KBTBD4: variants seen among roughly 807,000 people sequenced by gnomAD.
KBTBD4 encodes kelch repeat and BTB domain containing 4, also known as kelch repeat and BTB domain-containing protein 4.
In KBTBD4, 30 loss-of-function variants were observed where a neutral mutation model predicts 43.9. That is an observed-to-expected ratio of 0.68 (90% CI 0.51 to 0.93). The LOEUF (loss-of-function observed/expected upper bound fraction) is 0.93, where lower values mean the gene tolerates loss of function less well. Among genes scored for constraint, KBTBD4 ranks in the 40% least tolerant of loss-of-function variants. The pLI is 0.00. For synonymous variants in KBTBD4, 258 were observed against 256.9 expected (o/e 1.00, Z -0.04); for missense variants, 575 against 668.8 (o/e 0.86, Z 1.55).
In KBTBD4 at chr11:47,573,521, G is replaced by C; in HGVS notation, c.1014C>G (p.Thr338=). Residue 338 remains threonine, a synonymous_variant, in exon 4 of 4, where the codon ACC becomes ACG. Transcript: ENST00000430070. The surrounding 1 kb of genome is among the most constrained non-coding windows in gnomAD (Gnocchi z 4.1). ...APLPRDRLQH[T]LVSVPGKDAI... is the part of the protein sequence containing the mutation. ...CATCTTTCCCGGGCACAGACACCAGGGTGTGCTGGAGCCGGTCCCGAGGCA... is the reference window on the plus strand; with the variant it reads ...CATCTTTCCCGGGCACAGACACCAGCGTGTGCTGGAGCCGGTCCCGAGGCA... 6.2e-7 allele frequency: 1 copy of C among 1,614,138 alleles called. No homozygotes were observed. The highest frequency in any genetic ancestry group is 8.5e-7 in the Non-Finnish European group (1 of 1,180,026).
At position 47,572,310 on chromosome 11, in the gene KBTBD4, T is replaced by G. The variant is rs2097250418; in HGVS notation, c.*620A>C. On this transcript the variant is annotated 3_prime_UTR_variant, in exon 4 of 4. Transcript: ENST00000430070. Reference sequence around the variant, plus strand: ...AGATTGAAAAAGTTTCTGCTATTAATCAGAAATAATCATTTCTATTTTCTG... The same window carrying G: ...AGATTGAAAAAGTTTCTGCTATTAAGCAGAAATAATCATTTCTATTTTCTG... 1 of 152,858 alleles carries G rather than the reference T, an allele frequency of 6.5e-6. No individual in the cohort carries two copies. The highest frequency in any genetic ancestry group is 1.5e-5 in the Non-Finnish European group (1 of 68,198). 9.5% of individuals were successfully genotyped at this position (152,858 alleles called of 1,614,324 possible). A position where few individuals can be genotyped will look rare whatever the true frequency, so the allele number is the denominator to read the frequency against.
At chr11:47,578,698 G>A (rs1320889829) in intron 1 of KBTBD4, 2 of 1,233,438 alleles carry the variant, frequency 1.6e-6, no homozygotes, top group East Asian at 2.5e-5. Flanking sequence ...GAGTCGTCTT[G>A]GAAACGGTCG....
In KBTBD4 at chr11:47,577,811, GAGGAC is replaced by G; in HGVS notation, c.232_236del (p.Val78LeufsTer38). ...ATCGGAAGAAGCAGCTCTGAGCTGA[GAGGAC>G]CAGCCGATGGAGCTGAAACTCCCGG... On this transcript the variant is annotated frameshift_variant, in exon 2 of 4. Transcript: ENST00000430070. LOFTEE classifies it high-confidence loss of function. 2 of 1,614,218 alleles carry G rather than the reference GAGGAC, an allele frequency of 1.2e-6. No homozygotes were observed. Among genetic ancestry groups the G allele is most frequent in the Non-Finnish European group, 1.7e-6 (2 of 1,180,048 alleles).
intron 1 of KBTBD4, chr11:47,578,502 T>A (rs1565938413): frequency 1.6e-6 from 1 of 634,282 alleles, no homozygotes; most frequent in Non-Finnish European, 2.8e-6. Context: ...GTTAAGACGC[T>A]CCATATGAAG....
Position 47,577,788 on chromosome 11 carries a change from CG to C in KBTBD4, c.259del (p.Arg87AspfsTer8). The C allele has an allele frequency of 6.2e-7, 1 of 1,614,156 alleles. No homozygotes were observed. The highest frequency in any genetic ancestry group is 8.5e-7 in the Non-Finnish European group (1 of 1,180,040). On this transcript the variant is annotated frameshift_variant, in exon 2 of 4. Transcript: ENST00000430070. LOFTEE classifies it high-confidence loss of function. ...CTTCAGGTTGGAAGTGAACATGGAT[CG>C]GAAGAAGCAGCTCTGAGCTGAGAGG... ...LVLSAQSCFF[R>X]SMFTSNLKEA... is the part of the protein sequence containing the mutation.
chr11:47,575,385 T>A (rs2097257172), intron 3 of KBTBD4, among the ~76,000 whole-genome samples: 1 of 151,374 alleles, frequency 6.6e-6, no homozygotes, highest in Admixed American at 6.6e-5. Flanking sequence ...TGGGCACCTG[T>A]AGTCCCAGCT....
rs145548207 is a variant in KBTBD4 at position 47,577,429 on chromosome 11, G to A, written c.619C>T (p.Leu207Phe). ...AACTTACCCGAGATGATATCTGTGAGTAAGCGGTGGGGCAAGTGGAGAAAT... is the reference window on the plus strand; with the variant it reads ...AACTTACCCGAGATGATATCTGTGAATAAGCGGTGGGGCAAGTGGAGAAAT... ...EEFLHLPHRL[L>F]TDIISDGVPC... The change falls in exon 2 of 4, where the codon CTC (leucine) becomes TTC (phenylalanine). Residue 207 changes from leucine to phenylalanine, a missense_variant. Transcript: ENST00000430070. 1 of 1,606,552 alleles carries A rather than the reference G, an allele frequency of 6.2e-7. No individual in the cohort carries two copies. The highest frequency in any genetic ancestry group is 8.5e-7 in the Non-Finnish European group (1 of 1,173,962).
Position 47,577,929 on chromosome 11 carries a change from C to T in KBTBD4, c.119G>A (p.Arg40Gln), listed in dbSNP as rs2097263301. Residue 40 changes from arginine to glutamine, a missense_variant, in exon 2 of 4, where the codon CGG becomes CAG. Transcript: ENST00000430070. ...TTGAGCCACACGGCCTGAATGTGAC[C>T]GATCTTTGAAAGTGTAGTTCACAAA... ...NYFVNYTFKD[R>Q]SHSGRVAQGI... The T allele has an allele frequency of 6.2e-7, 1 of 1,614,064 alleles. No individual in the cohort carries two copies. Among genetic ancestry groups the T allele is most frequent in the Non-Finnish European group, 8.5e-7 (1 of 1,180,052 alleles).
chr11:47,578,038 A>G lies in KBTBD4; in HGVS notation c.20-10T>C. On this transcript the variant is annotated splice_polypyrimidine_tract_variant and intron_variant, in intron 1 of 3. Transcript: ENST00000430070. ...TCTCTCTGCCAGCTGTCTGCAAAGC[A>G]ACACCATCTTGAGTAACCTGAGGAA... 6.2e-7 allele frequency: 1 copy of G among 1,613,890 alleles called. No individual in the cohort carries two copies. The highest frequency in any genetic ancestry group is 1.7e-5 in the Admixed American group (1 of 59,976).
chr11:47,573,661 G>C lies in KBTBD4; in HGVS notation c.874C>G (p.Gln292Glu). Reference sequence around the variant, plus strand: ...CCATGCTTGCAGGCCGCAGTGATCTGGTGGCACAAACTGTTTTGGCCACTT... The same window carrying C: ...CCATGCTTGCAGGCCGCAGTGATCTCGTGGCACAAACTGTTTTGGCCACTT... ...SVSGQNSLCH[Q>E]ITAACKHGGD... is the part of the protein sequence containing the mutation. The change falls in exon 4 of 4, where the codon CAG becomes GAG. Residue 292 changes from glutamine (Q) to glutamate (E), a missense_variant. Coordinates refer to ENST00000430070, the MANE Select transcript of KBTBD4 (RefSeq NM_018095.6). The surrounding 1 kb of genome is among the most constrained non-coding windows in gnomAD (Gnocchi z 4.1). The C allele has an allele frequency of 1.2e-6, 2 of 1,613,390 alleles. No individual in the cohort carries two copies. The highest frequency in any genetic ancestry group is 1.7e-6 in the Non-Finnish European group (2 of 1,180,020).
Position 47,572,934 on chromosome 11 carries a change from GC to G in KBTBD4, c.1600del (p.Ala534ProfsTer37). The G allele has an allele frequency of 1.2e-6, 2 of 1,612,540 alleles. No homozygotes were observed. Among genetic ancestry groups the G allele is most frequent in the Non-Finnish European group, 1.7e-6 (2 of 1,178,996 alleles). On this transcript the variant is annotated frameshift_variant, in exon 4 of 4. Coordinates refer to ENST00000430070, the MANE Select transcript of KBTBD4 (RefSeq NM_018095.6). LOFTEE classifies it high-confidence loss of function. ...TCTCCTCCCCTCCCCACAGCCTTAG[GC>G]CAACACAAACTGCAAATTGGTAAGC... ...VLLTNLQFVL[A>X]
Position 47,573,259 on chromosome 11 carries a change from A to C in KBTBD4, c.1276T>G (p.Cys426Gly). 1 of 1,614,082 alleles carries C rather than the reference A, an allele frequency of 6.2e-7. No homozygotes were observed. The highest frequency in any genetic ancestry group is 8.5e-7 in the Non-Finnish European group (1 of 1,180,004). ...GGCAGCACATAGGGCTTCACATGGC[A>C]TTTGTCTGTCTCTGTGTCAAAGCAC... ...IQCFDTETDK[C>G]HVKPYVLPFA... The change falls in exon 4 of 4, where the codon TGC (cysteine) becomes GGC (glycine). Residue 426 changes from cysteine (C) to glycine (G), a missense_variant. Physicochemically the swap from Cys to Gly is radical, Grantham distance 159. Transcript: ENST00000430070. The surrounding 1 kb of genome is among the most constrained non-coding windows in gnomAD (Gnocchi z 4.1).
At position 47,575,715 on chromosome 11, in the gene KBTBD4, G is replaced by GA; in HGVS notation, c.638-17dup. ...GGAACTCCATCTGTGAGAGCCAGAG[G>GA]AAAGGCATGGTCAATGACAATCCGA... is the stretch of plus-strand genomic sequence containing the variant. On this transcript the variant is annotated splice_polypyrimidine_tract_variant and intron_variant, in intron 2 of 3. Transcript: ENST00000430070. 3 of 1,495,220 alleles carry GA rather than the reference G, an allele frequency of 2.0e-6. No homozygotes were observed. Among genetic ancestry groups the GA allele is most frequent in the Non-Finnish European group, 2.8e-6 (3 of 1,080,566 alleles). 92.6% of individuals were successfully genotyped at this position (1,495,220 alleles called of 1,614,324 possible). A position where few individuals can be genotyped will look rare whatever the true frequency, so the allele number is the denominator to read the frequency against.
Position 47,573,162 on chromosome 11 carries a change from A to G in KBTBD4, c.1373T>C (p.Val458Ala). The change falls in exon 4 of 4, where the codon GTG becomes GCG. Residue 458 changes from valine (V) to alanine (A), a missense_variant. Physicochemically the swap from Val to Ala is moderately conservative, Grantham distance 64. Coordinates refer to ENST00000430070, the MANE Select transcript of KBTBD4 (RefSeq NM_018095.6). This position sits in a 1 kb window ranked among gnomAD's most constrained non-coding sequence, Gnocchi z 4.1. Reference protein sequence around the residue: ...VFIVAEGDSLVCYNPLLDSFT... With the variant: ...VFIVAEGDSLACYNPLLDSFT... ...GCTGTCTAGCAAGGGATTGTAGCACACCAGGGAGTCCCCTTCAGCCACGAT... is the reference window on the plus strand; with the variant it reads ...GCTGTCTAGCAAGGGATTGTAGCACGCCAGGGAGTCCCCTTCAGCCACGAT... 6.2e-7 allele frequency: 1 copy of G among 1,614,178 alleles called. No homozygotes were observed. The highest frequency in any genetic ancestry group is 8.5e-7 in the Non-Finnish European group (1 of 1,180,040).
intron 2 of KBTBD4, among the ~76,000 whole-genome samples, chr11:47,576,943 T>C (rs747807864): frequency 2.2e-4 from 33 of 151,920 alleles, no homozygotes; most frequent in Non-Finnish European, 4.1e-4. Flanking sequence ...TCCCAAAGTG[T>C]TGGGATTACA....
chr11:47,574,852 CTCT>C (rs1463752955), intron 3 of KBTBD4, among the ~76,000 whole-genome samples: 1 of 142,660 alleles, frequency 7.0e-6, no homozygotes, highest in Non-Finnish European at 1.5e-5. Flanking sequence ...GAAACTCCAT[CTCT>C]CTCTCTCTAG....
chr11:47,575,486 G>A (rs769343497), intron 3 of KBTBD4, 107 bp downstream of exon 3: 76 of 708,842 alleles, frequency 1.1e-4, no homozygotes, highest in Middle Eastern at 1.0e-3. Context: ...CAGCCTGGAC[G>A]ACAGAGCAAG....
chr11:47,576,185 G>C (rs1393977163), intron 2 of KBTBD4, among the ~76,000 whole-genome samples: 3 of 33,298 alleles, frequency 9.0e-5, no homozygotes, highest in Non-Finnish European at 1.9e-4. Flanking sequence ...TTTTTTTTTT[G>C]AGATGGAGTC....
chr11:47,578,765 A>G, intron 1 of KBTBD4, 168 bp downstream of exon 1: 2 of 1,504,678 alleles, frequency 1.3e-6, no homozygotes, highest in Non-Finnish European at 1.8e-6. Context: ...AGCTTGGCTC[A>G]GAGAGCGGGG....
Sources: allele counts gnomAD v4.1 joint callset (sites outside exome capture counted in the v4.1 genomes callset), GRCh38; gene constraint gnomAD v4.1.1; non-coding constraint Gnocchi (gnomAD v3.1); transcripts MANE v1.5; gene names NCBI Gene and HGNC (gene_info 2026-07-23, HGNC 2026-07-21).